HDAC9: variants seen among roughly 807,000 people sequenced by gnomAD.
HDAC9 encodes the protein histone deacetylase 9.
In HDAC9, 41 loss-of-function variants were observed where a neutral mutation model predicts 139.4. The ratio of observed to expected loss-of-function variants is 0.29; its 90% CI spans 0.23 to 0.38. The LOEUF (loss-of-function observed/expected upper bound fraction) is 0.38, where lower values mean the gene tolerates loss of function less well. Ranked by LOEUF, HDAC9 falls within the 10% of genes least tolerant of loss-of-function variation. The pLI, the probability that HDAC9 is intolerant of heterozygous loss-of-function variation, is 1.00. For synonymous variants in HDAC9, 517 were observed against 476.2 expected, an observed-to-expected ratio of 1.09 and a Z score of -1.12; for missense variants, 1,147 against 1,297.0, an observed-to-expected ratio of 0.88 and a Z score of 1.78.
Position 18,593,938 on chromosome 7 carries a change from C to T in HDAC9, c.573C>T (p.Ser191=), listed in dbSNP as rs1198550782. 3 of 1,612,822 alleles carry T rather than the reference C, an allele frequency of 1.9e-6. No individual in the cohort carries two copies. Among genetic ancestry groups the T allele is most frequent in the Middle Eastern group, 1.7e-4 (1 of 6,054 alleles). Residue 191 remains serine, a synonymous_variant, in exon 6 of 26, where the codon AGC becomes AGT. Coordinates refer to ENST00000686413, the MANE Select transcript of HDAC9 (RefSeq NM_178425.4). ...TAAHHTSLDQ[S]SPPLSGTSPS... is the part of the protein sequence containing the mutation. ...CCCACCACACATCATTGGATCAAAG[C>T]TCTCCACCCCTTAGTGGAACATCTC... is the stretch of plus-strand genomic sequence containing the variant.
intron 1 of HDAC9, among the ~76,000 whole-genome samples, chr7:18,328,638 G>A (rs1800656326): frequency 1.3e-5 from 2 of 151,670 alleles, no homozygotes; most frequent in Admixed American, 6.6e-5. Flanking sequence ...TTCATGTTTG[G>A]GATAAATCCC....
At chr7:18,467,316 A>G (rs1300603330) in intron 1 of HDAC9, among the ~76,000 whole-genome samples, 5 of 152,094 alleles carry the variant, frequency 3.3e-5, no homozygotes, top group Non-Finnish European at 5.9e-5. Context: ...TGACCTATTA[A>G]TGCTTCCTAT....
chr7:18,200,475 G>GT (rs1464933992), intron 2 of HDAC9, among the ~76,000 whole-genome samples: 1 of 152,060 alleles, frequency 6.6e-6, no homozygotes, highest in Non-Finnish European at 1.5e-5. Flanking sequence ...TCAGTGGAAC[G>GT]TTTCAGTACT....
intron 9 of HDAC9, among the ~76,000 whole-genome samples, chr7:18,646,469 T>A (rs905803129): frequency 6.6e-6 from 1 of 152,144 alleles, no homozygotes; most frequent in Non-Finnish European, 1.5e-5. Context: ...ATTTTTCAAG[T>A]TTAGCATTGC....
chr7:18,402,547 T>C, intron 1 of HDAC9, among the ~76,000 whole-genome samples: 1 of 152,164 alleles, frequency 6.6e-6, no homozygotes, highest in Middle Eastern at 3.2e-3. Flanking sequence ...GACCAGTTCA[T>C]GGAGGGTTTT....
chr7:18,188,334 A>T (rs569220016), intron 2 of HDAC9, among the ~76,000 whole-genome samples: 22 of 152,322 alleles, frequency 1.4e-4, no homozygotes, highest in Non-Finnish European at 2.9e-4. Flanking sequence ...CTTACACCTT[A>T]TACAAAAATT....
At chr7:18,329,271 A>G (rs1800714506) in intron 1 of HDAC9, among the ~76,000 whole-genome samples, 2 of 151,670 alleles carry the variant, frequency 1.3e-5, no homozygotes, top group African/African-American at 4.8e-5. Flanking sequence ...GTTTTAATGT[A>G]TGTATTTTAT....
Position 18,260,141 on chromosome 7 carries a change from A to T in HDAC9, c.25+97792A>T, listed in dbSNP as rs144243328. On this transcript the variant is annotated intron_variant, in intron 2 of 12. Coordinates refer to the HDAC9 transcript ENST00000417496. ...CTACAATTATTTTAAGTCAAATCTG[A>T]TCTAGCAACCTGTGCCTTTATAGTG... Among the ~76,000 whole-genome samples, 539 of 152,260 alleles carry T rather than the reference A, an allele frequency of 3.5e-3. 3 individuals carry two copies. Among genetic ancestry groups the T allele is most frequent in the Middle Eastern group, 0.014 (4 of 294 alleles).
intron 1 of HDAC9, among the ~76,000 whole-genome samples, chr7:18,459,671 T>C (rs541267264): frequency 2.6e-5 from 4 of 152,092 alleles, no homozygotes. Context: ...CATTTGCAAG[T>C]GTAGATTTGG....
chr7:18,459,023 G>A, intron 1 of HDAC9: 1 of 718,002 alleles, frequency 1.4e-6, no homozygotes, highest in South Asian at 1.7e-5. Context: ...GCCAAGATAT[G>A]CTTGACCCAG....
At chr7:18,257,144 G>T (rs201554328) in intron 2 of HDAC9, among the ~76,000 whole-genome samples, 1 of 148,272 alleles carries the variant, frequency 6.7e-6, no homozygotes, top group African/African-American at 2.5e-5. Flanking sequence ...GTGTGTGTGT[G>T]TATAAATATA....
intron 25 of HDAC9, among the ~76,000 whole-genome samples, chr7:18,983,635 G>C (rs893280397): frequency 4.6e-5 from 7 of 152,172 alleles, no homozygotes; most frequent in Admixed American, 2.6e-4. Context: ...TTGTAGGGAA[G>C]TCATATGTTT....
chr7:18,509,058 G>C (rs1800649618), intron 2 of HDAC9, among the ~76,000 whole-genome samples: 1 of 152,144 alleles, frequency 6.6e-6, no homozygotes, highest in South Asian at 2.1e-4. Flanking sequence ...TTTTAAAAAG[G>C]GAGAAACAGC....
rs555510285 is a variant in HDAC9 at position 18,720,196 on chromosome 7, T to C, written c.1732-7384T>C. On this transcript the variant is annotated intron_variant, in intron 12 of 25. Coordinates refer to ENST00000686413, the MANE Select transcript of HDAC9 (RefSeq NM_178425.4). ...ATACTGGTATAATTTATGTTCTTTC[T>C]TATATTTTAATTTAAAAATTAAATA... Among the ~76,000 whole-genome samples, 16 of 152,238 alleles carry C rather than the reference T, an allele frequency of 1.1e-4. No individual in the cohort carries two copies. The East Asian group carries it at 3.1e-3, about 29-fold the overall frequency.
intron 1 of HDAC9, among the ~76,000 whole-genome samples, chr7:18,480,153 A>T (rs565760298): frequency 6.6e-6 from 1 of 152,160 alleles, no homozygotes; most frequent in South Asian, 2.1e-4. Context: ...TTAATTAGCT[A>T]CTAGTTGTTG....
intron 1 of HDAC9, among the ~76,000 whole-genome samples, chr7:18,152,761 A>G (rs1388618904): frequency 1.3e-5 from 2 of 152,244 alleles, no homozygotes; most frequent in African/African-American, 4.8e-5. Context: ...AATATAGCCC[A>G]CAAGGTTCCA....
chr7:18,291,429 C>T (rs974435561), intron 1 of HDAC9, among the ~76,000 whole-genome samples: 1 of 151,974 alleles, frequency 6.6e-6, no homozygotes, highest in Non-Finnish European at 1.5e-5. Context: ...AAAATGAATA[C>T]AATAGCACTG....
intron 22 of HDAC9, among the ~76,000 whole-genome samples, chr7:18,921,019 T>C (rs557408540): frequency 2.6e-5 from 4 of 152,238 alleles, no homozygotes; most frequent in Admixed American, 2.0e-4. Flanking sequence ...CTGGGAAAAC[T>C]GGCTAGCCAT....
At chr7:18,091,917 A>C (rs1782177549) in intron 1 of HDAC9, among the ~76,000 whole-genome samples, 1 of 152,248 alleles carries the variant, frequency 6.6e-6, no homozygotes, top group South Asian at 2.1e-4. Flanking sequence ...GTACTGTTAC[A>C]ACATGGCATC....
Sources: allele counts gnomAD v4.1 joint callset (sites outside exome capture counted in the v4.1 genomes callset), GRCh38; gene constraint gnomAD v4.1.1; transcripts MANE v1.5; gene names NCBI Gene and HGNC (gene_info 2026-07-23, HGNC 2026-07-21).